Variants in GSK3B observed in about 807,000 individuals in gnomAD.
GSK3B encodes glycogen synthase kinase-3 beta.
Under a neutral mutation model 56.4 loss-of-function variants are expected in GSK3B, and 15 were observed. The observed-to-expected ratio is 0.27, with a 90% CI of 0.18 to 0.41. The LOEUF (loss-of-function observed/expected upper bound fraction) is 0.41. Among genes scored for constraint, GSK3B ranks in the 10% least tolerant of loss-of-function variants. GSK3B has a pLI of 1.00. For missense variants in GSK3B, 300 were observed against 513.4 expected (o/e 0.58, Z 4.02); for synonymous variants, 181 against 188.9 (o/e 0.96, Z 0.34).
intron 2 of GSK3B, among the ~76,000 whole-genome samples, chr3:119,992,748 A>G (rs1387444597): frequency 6.6e-6 from 1 of 152,066 alleles, no homozygotes; most frequent in African/African-American, 2.4e-5. Context: ...TCAAAATCAC[A>G]TTTTTAAAAT....
At chr3:120,040,616 A>G (rs1271311613) in intron 1 of GSK3B, among the ~76,000 whole-genome samples, 7 of 152,138 alleles carry the variant, frequency 4.6e-5, no homozygotes, top group Non-Finnish European at 2.9e-5. Flanking sequence ...AACATGGGAA[A>G]TACGCCAAGC....
chr3:119,856,668 T>C (rs974964256), intron 9 of GSK3B, among the ~76,000 whole-genome samples: 3 of 152,106 alleles, frequency 2.0e-5, no homozygotes, highest in Admixed American at 1.3e-4. Context: ...TACCTAGCAT[T>C]TCATTGCCCA....
At chr3:119,963,663 A>G (rs552943022) in intron 2 of GSK3B, among the ~76,000 whole-genome samples, 28 of 151,202 alleles carry the variant, frequency 1.9e-4, no homozygotes, top group Admixed American at 1.6e-3. Context: ...AAAAGAAAAA[A>G]GAAAGAAAAA....
At chr3:119,937,804 A>C (rs2057010809) in intron 3 of GSK3B, among the ~76,000 whole-genome samples, 1 of 152,038 alleles carries the variant, frequency 6.6e-6, no homozygotes, top group Non-Finnish European at 1.5e-5. Context: ...ACAGAAAAAA[A>C]ACAGAATCAA....
chr3:120,003,184 T>C (rs767897167), intron 1 of GSK3B, among the ~76,000 whole-genome samples: 3 of 152,138 alleles, frequency 2.0e-5, no homozygotes, highest in African/African-American at 7.2e-5. Flanking sequence ...GGCTCCAGGG[T>C]CTCTATTCAC....
intron 3 of GSK3B, among the ~76,000 whole-genome samples, chr3:119,924,405 C>G (rs959797835): frequency 6.6e-6 from 1 of 152,212 alleles, no homozygotes; most frequent in Non-Finnish European, 1.5e-5. Context: ...ATAATCTTAC[C>G]TATCAAACTG....
rs1287136391 is a variant in GSK3B, at chr3:119,937,360, A to G, written c.366+9908T>C. Among the ~76,000 whole-genome samples, 2 of 152,070 alleles carry G rather than the reference A, an allele frequency of 1.3e-5. 1 individual carries two copies. Among genetic ancestry groups the G allele is most frequent in the Middle Eastern group, 6.3e-3 (2 of 316 alleles). On this transcript the variant is annotated intron_variant, in intron 3 of 10. Coordinates refer to ENST00000264235, the MANE Select transcript of GSK3B (RefSeq NM_001146156.2). ...CTCCCACTACAACTGGTTGGTAAAA[A>G]GAGCCTGACACCTCTCTGCTATCTG...
intron 2 of GSK3B, among the ~76,000 whole-genome samples, chr3:119,973,942 C>A (rs143921616): frequency 9.0e-4 from 137 of 152,218 alleles, no homozygotes; most frequent in African/African-American, 3.0e-3. Context: ...AGACCTTATA[C>A]CTTTCACAAA....
intron 2 of GSK3B, among the ~76,000 whole-genome samples, chr3:119,969,010 G>T (rs950034755): frequency 9.9e-5 from 15 of 152,164 alleles, no homozygotes; most frequent in Admixed American, 3.3e-4. Context: ...TATATCATGA[G>T]GCCGGGAGTG....
chr3:119,947,963 T>G (rs2107492578), intron 2 of GSK3B, among the ~76,000 whole-genome samples: 1 of 152,178 alleles, frequency 6.6e-6, no homozygotes, highest in Middle Eastern at 3.4e-3. Context: ...TTGGGAAGTT[T>G]CAAAGTTATG....
In GSK3B at chr3:120,066,559, T is replaced by C. The variant is rs538716477; in HGVS notation, c.88+26788A>G. On this transcript the variant is annotated intron_variant, in intron 1 of 10. Transcript: ENST00000264235. ...AATGCTAAAGAATCAAGACTTACCCTGCTTTTTCTTAGGATAATAATAAAA... is the reference window on the plus strand; with the variant it reads ...AATGCTAAAGAATCAAGACTTACCCCGCTTTTTCTTAGGATAATAATAAAA... Among the ~76,000 whole-genome samples the C allele has an allele frequency of 2.0e-5, 3 of 152,346 alleles. No individual in the cohort carries two copies. The East Asian group carries it at 5.8e-4, about 29-fold the overall frequency.
intron 10 of GSK3B, chr3:119,833,042 T>A (rs2055628900): frequency 1.1e-6 from 1 of 906,322 alleles, no homozygotes; most frequent in Non-Finnish European, 1.3e-6. Context: ...ACTGTCTCAA[T>A]ACTGAGGAAA....
Position 119,825,682 on chromosome 3 carries a change from G to C in GSK3B, c.*1106C>G. 3 of 226,106 alleles carry C rather than the reference G, an allele frequency of 1.3e-5. No individual in the cohort carries two copies. The highest frequency in any genetic ancestry group is 2.6e-5 in the Non-Finnish European group (3 of 113,762). The allele number at this position is 226,106 out of a possible 1,614,324, so 14.0% of individuals were successfully genotyped here. A position where few individuals can be genotyped will look rare whatever the true frequency, so the allele number is the denominator to read the frequency against. On this transcript the variant is annotated 3_prime_UTR_variant, in exon 11 of 11. Coordinates refer to ENST00000264235, the MANE Select transcript of GSK3B (RefSeq NM_001146156.2). ...AAATTAAATACAGATTCTAGATTTGGATTTAAAATTAGAACTATGTGTAGA... is the reference window on the plus strand; with the variant it reads ...AAATTAAATACAGATTCTAGATTTGCATTTAAAATTAGAACTATGTGTAGA...
chr3:119,977,961 T>G (rs553136703), intron 2 of GSK3B, among the ~76,000 whole-genome samples: 2 of 152,302 alleles, frequency 1.3e-5, no homozygotes, highest in East Asian at 3.9e-4. Context: ...TTCCTTTATG[T>G]ACCAAACACT....
chr3:119,899,296 T>G (rs767984847), intron 7 of GSK3B, among the ~76,000 whole-genome samples: 4 of 152,182 alleles, frequency 2.6e-5, no homozygotes, highest in African/African-American at 4.8e-5. Context: ...TTCCACTTAA[T>G]GTTTCTGAAC....
At chr3:119,964,950 G>A (rs2107509355) in intron 2 of GSK3B, among the ~76,000 whole-genome samples, 1 of 151,454 alleles carries the variant, frequency 6.6e-6, no homozygotes, top group South Asian at 2.1e-4. Flanking sequence ...TAAAGCTAGG[G>A]AAGGCCGATC....
rs530435535 is a variant in GSK3B, at chr3:120,068,732, A to AATG, written c.88+24614_88+24615insCAT. Among the ~76,000 whole-genome samples, 13 of 151,804 alleles carry AATG rather than the reference A, an allele frequency of 8.6e-5. No individual in the cohort carries two copies. The East Asian group carries it at 1.7e-3, about 20-fold the overall frequency. ...AAATAAATAAATAAATAATAATAAT[A>AATG]ATAAATTGGGGGTTAGTAGTAACGG... On this transcript the variant is annotated intron_variant, in intron 1 of 10. Transcript: ENST00000264235.
At chr3:119,854,657 T>C (rs972124840) in intron 9 of GSK3B, among the ~76,000 whole-genome samples, 1 of 152,244 alleles carries the variant, frequency 6.6e-6, no homozygotes, top group Non-Finnish European at 1.5e-5. Flanking sequence ...GGAGGGTGTA[T>C]GTTTCCAGGA....
chr3:119,916,281 C>T, intron 4 of GSK3B, 107 bp from the exon 5 acceptor site: 1 of 841,876 alleles, frequency 1.2e-6, no homozygotes, highest in South Asian at 1.8e-5. Flanking sequence ...AGGTGAAATG[C>T]TATGGATTAC....
Sources: allele counts gnomAD v4.1 joint callset (sites outside exome capture counted in the v4.1 genomes callset), GRCh38; gene constraint gnomAD v4.1.1; transcripts MANE v1.5; gene names NCBI Gene and HGNC (gene_info 2026-07-23, HGNC 2026-07-21).